The following KCTD10 variants were observed in gnomAD, a reference collection of about 807,000 sequenced individuals.
KCTD10 encodes potassium channel tetramerization domain containing 10, also known as BTB/POZ domain-containing adapter for CUL3-mediated RhoA degradation protein 3.
A neutral mutation model predicts 34.6 loss-of-function variants in KCTD10; 13 were observed. That is an observed-to-expected ratio of 0.38 (90% CI 0.24 to 0.60). The LOEUF (loss-of-function observed/expected upper bound fraction) is 0.60. Among genes scored for constraint, KCTD10 ranks in the 20% least tolerant of loss-of-function variants. KCTD10 has a pLI of 0.66. For missense variants in KCTD10, 256 were observed against 420.3 expected (o/e 0.61, Z 3.42); for synonymous variants, 156 against 168.8 (o/e 0.92, Z 0.59).
rs1373027450 is a variant in KCTD10 at position 109,448,739 on chromosome 12, T to A, written c.*2856A>T. 6.6e-6 allele frequency: 1 copy of A among 152,224 alleles called. No homozygotes were observed. The highest frequency in any genetic ancestry group is 1.9e-4 in the East Asian group (1 of 5,200). The allele number at this position is 152,224 out of a possible 1,614,324, so 9.4% of individuals were successfully genotyped here. On this transcript the variant is annotated 3_prime_UTR_variant, in exon 7 of 7. Transcript: ENST00000228495. Reference sequence around the variant, plus strand: ...ATCTAAAACTTTGAGCATTTTTTTATGGCGCAAAGAGACAGAAAGGTTAAT... The same window carrying A: ...ATCTAAAACTTTGAGCATTTTTTTAAGGCGCAAAGAGACAGAAAGGTTAAT...
intron 1 of KCTD10, among the ~76,000 whole-genome samples, chr12:109,474,899 G>T (rs1237186754): frequency 6.6e-6 from 1 of 152,186 alleles, no homozygotes. Flanking sequence ...TAGAAGTCTT[G>T]TGTGCCTGTG....
At chr12:109,477,164 T>C in intron 1 of KCTD10, 96 bp downstream of exon 1, 1 of 1,273,384 alleles carries the variant, frequency 7.9e-7, no homozygotes, top group Non-Finnish European at 1.0e-6. Flanking sequence ...CTGCCCCTCA[T>C]CACACCCCCT....
At chr12:109,471,207 C>T (rs1415910351) in intron 1 of KCTD10, 21 of 985,114 alleles carry the variant, frequency 2.1e-5, no homozygotes, top group Admixed American at 1.2e-4. Flanking sequence ...AAAACACAAA[C>T]GTTATTTTTG....
Position 109,451,992 on chromosome 12 carries a change from C to T in KCTD10, c.724-179G>A, listed in dbSNP as rs939743843. On this transcript the variant is annotated intron_variant, in intron 6 of 6. Transcript: ENST00000228495. The surrounding 1 kb of genome is among the most constrained non-coding windows in gnomAD (Gnocchi z 5.0). ...CAACACTTACATGTGGTGCTAAATGCACAGAAAATCAAGGGGATGCAGAGA... is the reference window on the plus strand; with the variant it reads ...CAACACTTACATGTGGTGCTAAATGTACAGAAAATCAAGGGGATGCAGAGA... 2.6e-5 allele frequency among the ~76,000 whole-genome samples: 4 copies of T among 152,208 alleles called. No individual in the cohort carries two copies. The highest frequency in any genetic ancestry group is 9.6e-5 in the African/African-American group (4 of 41,466).
intron 3 of KCTD10, chr12:109,459,334 A>G (rs1455229605): frequency 6.6e-6 from 1 of 152,268 alleles, no homozygotes; most frequent in Non-Finnish European, 1.5e-5. Context: ...CTAACCTTAG[A>G]CTAACAGAAA....
intron 1 of KCTD10, chr12:109,470,776 T>G (rs1390815100): frequency 9.9e-6 from 2 of 201,886 alleles, no homozygotes; most frequent in African/African-American, 4.7e-5. Context: ...AATACAAAAA[T>G]GACCAAAGAT....
At chr12:109,462,908 C>T (rs903184303) in intron 2 of KCTD10, among the ~76,000 whole-genome samples, 6 of 152,178 alleles carry the variant, frequency 3.9e-5, no homozygotes, top group Admixed American at 1.3e-4. Context: ...TGCTACCCTA[C>T]ACCAAGTAAT....
chr12:109,470,625 C>T (rs527867941), intron 1 of KCTD10: 39 of 983,776 alleles, frequency 4.0e-5, no homozygotes, highest in African/African-American at 1.4e-4. Flanking sequence ...ACGGCTGGCC[C>T]TACCATTCCC....
intron 1 of KCTD10, among the ~76,000 whole-genome samples, chr12:109,472,444 C>T (rs1448939781): frequency 1.3e-5 from 2 of 152,106 alleles, no homozygotes; most frequent in East Asian, 3.9e-4. Flanking sequence ...TGTCATCTCC[C>T]GTAAGAATCC....
At chr12:109,470,271 T>C (rs1873820611) in intron 1 of KCTD10, 1 of 985,390 alleles carries the variant, frequency 1.0e-6, no homozygotes. Context: ...TTGAATGGGA[T>C]TCCAGCTGGC....
intron 1 of KCTD10, among the ~76,000 whole-genome samples, chr12:109,474,274 G>A (rs994626395): frequency 1.3e-5 from 2 of 152,188 alleles, no homozygotes; most frequent in Admixed American, 6.5e-5. Flanking sequence ...AAGCTGGGGA[G>A]GTGAAGCAGG....
intron 1 of KCTD10, among the ~76,000 whole-genome samples, chr12:109,476,756 C>A (rs1489213203): frequency 6.6e-6 from 1 of 152,088 alleles, no homozygotes; most frequent in Admixed American, 6.5e-5. Flanking sequence ...TCCCCACTTC[C>A]TGGAAACTCA....
In KCTD10 at chr12:109,452,022, G is replaced by A. The variant is rs1872797874; in HGVS notation, c.724-209C>T. ...AAAATCAAGGGGATGCAGAGAAACAGGTCTCCCTGCCCCTAGTTTCCCTTC... is the reference window on the plus strand; with the variant it reads ...AAAATCAAGGGGATGCAGAGAAACAAGTCTCCCTGCCCCTAGTTTCCCTTC... On this transcript the variant is annotated intron_variant, in intron 6 of 6. Transcript: ENST00000228495. Among the ~76,000 whole-genome samples, 3 of 152,174 alleles carry A rather than the reference G, an allele frequency of 2.0e-5. No homozygotes were observed. In the South Asian group the frequency reaches 6.2e-4, roughly 32 times the overall value.
At chr12:109,469,167 C>T in intron 2 of KCTD10, 1 of 282,376 alleles carries the variant, frequency 3.5e-6, no homozygotes, top group Non-Finnish European at 6.8e-6. Flanking sequence ...GTTAGGATCA[C>T]CAGATACTAA....
intron 1 of KCTD10, chr12:109,470,008 C>T (rs1031757761): frequency 1.1e-4 from 141 of 1,239,096 alleles, no homozygotes; most frequent in Admixed American, 1.5e-4. Context: ...TAGTTTGTCC[C>T]AAAACCCACC....
intron 1 of KCTD10, among the ~76,000 whole-genome samples, chr12:109,475,042 T>C (rs1049049375): frequency 4.6e-5 from 7 of 152,178 alleles, no homozygotes; most frequent in Non-Finnish European, 8.8e-5. Flanking sequence ...GTTAAAGCCA[T>C]AATCTTCAAA....
rs959669108 is a variant in KCTD10 at position 109,460,273 on chromosome 12, G to A, written c.387+363C>T. 3.6e-5 allele frequency: 7 copies of A among 193,698 alleles called. No individual in the cohort carries two copies. Among genetic ancestry groups the A allele is most frequent in the South Asian group, 1.2e-4 (1 of 8,526 alleles). The allele number at this position is 193,698 out of a possible 1,614,324, so 12.0% of individuals were successfully genotyped here. A position where few individuals can be genotyped will look rare whatever the true frequency, so the allele number is the denominator to read the frequency against. ...GCTAAGGAGTGAGGGGTGTCTGTCT[G>A]TAGAGATTATGCTGAGCTCCCAACA... On this transcript the variant is annotated intron_variant, in intron 3 of 6. Transcript: ENST00000228495. The surrounding 1 kb of genome is among the most constrained non-coding windows in gnomAD (Gnocchi z 4.5).
chr12:109,473,183 C>T (rs1374972642), intron 1 of KCTD10, among the ~76,000 whole-genome samples: 1 of 152,134 alleles, frequency 6.6e-6, no homozygotes, highest in African/African-American at 2.4e-5. Context: ...GGTGGCTGGC[C>T]CAGAGACCAT....
At chr12:109,465,003 G>T in intron 2 of KCTD10, 1 of 331,180 alleles carries the variant, frequency 3.0e-6, no homozygotes. Flanking sequence ...TGGCTGGGTG[G>T]GATCTAGGGA....
Sources: allele counts gnomAD v4.1 joint callset (sites outside exome capture counted in the v4.1 genomes callset), GRCh38; gene constraint gnomAD v4.1.1; non-coding constraint Gnocchi (gnomAD v3.1); transcripts MANE v1.5; gene names NCBI Gene and HGNC (gene_info 2026-07-23, HGNC 2026-07-21).